The following NKAIN3 variants were observed in gnomAD, a reference collection of about 807,000 sequenced individuals.
The protein encoded by NKAIN3 is sodium/potassium-transporting ATPase subunit beta-1-interacting protein 3.
NKAIN3 carries 25 observed loss-of-function variants against 30.2 expected under a neutral mutation model. The ratio of observed to expected loss-of-function variants is 0.83; its 90% CI spans 0.60 to 1.16. NKAIN3 has a LOEUF of 1.16. Ranked by LOEUF, NKAIN3 falls within the 50% of genes most tolerant of loss-of-function variation. NKAIN3 has a pLI of 0.00. For missense variants in NKAIN3, 225 were observed against 254.1 expected, an observed-to-expected ratio of 0.89 and a Z score of 0.78; for synonymous variants, 91 against 89.6, an observed-to-expected ratio of 1.02 and a Z score of -0.09.
intron 6 of NKAIN3, among the ~76,000 whole-genome samples, chr8:62,957,295 G>A (rs1823445027): frequency 1.3e-5 from 2 of 152,204 alleles, no homozygotes; most frequent in South Asian, 4.2e-4. Flanking sequence ...CACCACGCCT[G>A]GCTAATTTTT....
intron 4 of NKAIN3, among the ~76,000 whole-genome samples, chr8:62,870,691 C>CAGATATATATAGA (rs1563604428): frequency 0.01 from 1,191 of 116,052 alleles, 47 homozygotes; most frequent in African/African-American, 0.013. Flanking sequence ...CTATATCTCT[C>CAGATATATATAGA]TATCTATATA....
intron 1 of NKAIN3, among the ~76,000 whole-genome samples, chr8:62,478,129 T>C (rs1016386820): frequency 2.0e-5 from 3 of 152,032 alleles, no homozygotes; most frequent in Non-Finnish European, 1.5e-5. Flanking sequence ...CATATGCATT[T>C]TGGAGGGGCA....
At chr8:62,319,816 T>G (rs1476142521) in intron 1 of NKAIN3, among the ~76,000 whole-genome samples, 8 of 152,106 alleles carry the variant, frequency 5.3e-5, no homozygotes, top group African/African-American at 7.2e-5. Context: ...CTGTTGATTT[T>G]GGGTGGAGAG....
intron 1 of NKAIN3, among the ~76,000 whole-genome samples, chr8:62,384,649 G>T (rs1296201323): frequency 6.6e-6 from 1 of 152,130 alleles, no homozygotes; most frequent in African/African-American, 2.4e-5. Flanking sequence ...AGAATCAATT[G>T]TATTTTGAGC....
At chr8:62,600,146 A>G (rs1239382870) in intron 3 of NKAIN3, among the ~76,000 whole-genome samples, 1 of 151,988 alleles carries the variant, frequency 6.6e-6, no homozygotes, top group African/African-American at 2.4e-5. Flanking sequence ...AATTTAGGTT[A>G]ATATTTCTCC....
intron 4 of NKAIN3, among the ~76,000 whole-genome samples, chr8:62,758,591 G>C (rs1816535771): frequency 6.6e-6 from 1 of 152,122 alleles, no homozygotes; most frequent in East Asian, 1.9e-4. Context: ...AAAGACAGGG[G>C]AATTTATATC....
intron 3 of NKAIN3, among the ~76,000 whole-genome samples, chr8:62,633,892 G>A (rs11989133): frequency 3.5e-4 from 54 of 152,158 alleles, no homozygotes; most frequent in African/African-American, 1.3e-3. Context: ...CTGTCCCTTC[G>A]CATCTAAGAG....
intron 4 of NKAIN3, among the ~76,000 whole-genome samples, chr8:62,898,196 T>C (rs1010989451): frequency 1.3e-5 from 2 of 149,332 alleles, no homozygotes; most frequent in Middle Eastern, 3.4e-3. Context: ...TCAGAACTCT[T>C]AGTTTGGGCA....
Position 62,440,494 on chromosome 8 carries a change from T to C in NKAIN3, c.55-139045T>C, listed in dbSNP as rs573492241. Among the ~76,000 whole-genome samples the C allele has an allele frequency of 1.5e-3, 226 of 152,324 alleles. 1 individual carries two copies. Among genetic ancestry groups the C allele is most frequent in the African/African-American group, 5.0e-3 (206 of 41,568 alleles). ...CCTCCTCTTGTCATAGGTCATCATGTCTAACTCTGCTCTTCATCAGATCTT... is the reference window on the plus strand; with the variant it reads ...CCTCCTCTTGTCATAGGTCATCATGCCTAACTCTGCTCTTCATCAGATCTT... On this transcript the variant is annotated intron_variant, in intron 1 of 6. Transcript: ENST00000623646.
At chr8:62,445,153 C>T (rs1222983598) in intron 1 of NKAIN3, among the ~76,000 whole-genome samples, 1 of 151,978 alleles carries the variant, frequency 6.6e-6, no homozygotes, top group East Asian at 1.9e-4. Flanking sequence ...ACCATGTTGG[C>T]CAGGATGGTC....
chr8:62,777,308 CACTTT>C (rs2130646597), intron 4 of NKAIN3, among the ~76,000 whole-genome samples: 1 of 152,266 alleles, frequency 6.6e-6, no homozygotes, highest in South Asian at 2.1e-4. Context: ...TGTCTACCTC[CACTTT>C]ACAGGTAATA....
intron 1 of NKAIN3, among the ~76,000 whole-genome samples, chr8:62,435,120 T>C (rs1178719683): frequency 6.6e-6 from 1 of 152,180 alleles, no homozygotes; most frequent in African/African-American, 2.4e-5. Flanking sequence ...TGGTCAGCGC[T>C]GACACCTCTA....
intron 1 of NKAIN3, among the ~76,000 whole-genome samples, chr8:62,342,235 C>CAAAAAAAAAAAAAAAAAAAA (rs3058285): frequency 2.4e-5 from 3 of 124,782 alleles, no homozygotes; most frequent in African/African-American, 9.6e-5. Context: ...ACCACTGAAC[C>CAAAAAAAAAAAAAAAAAAAA]AAAAAAAAAA....
intron 4 of NKAIN3, among the ~76,000 whole-genome samples, chr8:62,763,180 C>T (rs1816722251): frequency 8.4e-6 from 1 of 119,418 alleles, no homozygotes; most frequent in Admixed American, 1.2e-4. Flanking sequence ...GAGATCGAGG[C>T]ACTGAACTCC....
At chr8:62,250,466 G>A (rs926430127) in intron 1 of NKAIN3, among the ~76,000 whole-genome samples, 6 of 152,136 alleles carry the variant, frequency 3.9e-5, no homozygotes, top group Admixed American at 3.9e-4. Flanking sequence ...CAATATGAAT[G>A]TTTTCTTTCA....
intron 3 of NKAIN3, among the ~76,000 whole-genome samples, chr8:62,656,663 G>A (rs186829934): frequency 2.6e-5 from 4 of 152,240 alleles, no homozygotes; most frequent in Admixed American, 6.5e-5. Flanking sequence ...TGCGAATTGC[G>A]ATAAGAGTGT....
intron 3 of NKAIN3, among the ~76,000 whole-genome samples, chr8:62,657,942 C>T (rs1812812206): frequency 6.6e-6 from 1 of 152,126 alleles, no homozygotes; most frequent in African/African-American, 2.4e-5. Flanking sequence ...CTGTAAACAT[C>T]CAAATAACCA....
rs539876410 is a variant in NKAIN3 at position 62,543,791 on chromosome 8, C to A, written c.55-35748C>A. Among the ~76,000 whole-genome samples, 3 of 152,236 alleles carry A rather than the reference C, an allele frequency of 2.0e-5. No individual in the cohort carries two copies. In the South Asian group the frequency reaches 6.2e-4, roughly 32 times the overall value. ...GTAATTCTCTTCCACTGTTGGCATA[C>A]CATTTTAGATGTTTGGTAAAATATA... On this transcript the variant is annotated intron_variant, in intron 1 of 6. Transcript: ENST00000623646.
chr8:62,518,186 T>C (rs1279848120), intron 1 of NKAIN3, among the ~76,000 whole-genome samples: 1 of 151,924 alleles, frequency 6.6e-6, no homozygotes, highest in African/African-American at 2.4e-5. Flanking sequence ...ATTGTGAAAC[T>C]TCATCTCTAC....
Sources: gnomAD v4.1 joint callset for allele counts (sites outside exome capture counted in the v4.1 genomes callset) on GRCh38, gnomAD v4.1.1 for gene constraint, MANE v1.5 for transcripts, NCBI Gene and HGNC (gene_info 2026-07-23, HGNC 2026-07-21) for gene names.